ZNF662: variants seen among roughly 807,000 people sequenced by gnomAD.
ZNF662 encodes zinc finger protein 662.
ZNF662 carries 14 observed loss-of-function variants against 12.4 expected under a neutral mutation model. The ratio of observed to expected loss-of-function variants is 1.13; its 90% CI spans 0.75 to 1.77. The LOEUF is 1.77. Among genes scored for constraint, ZNF662 ranks in the 40% most tolerant of loss-of-function variants. ZNF662 has a pLI of 0.00. For synonymous variants in ZNF662, 184 were observed against 176.4 expected, an observed-to-expected ratio of 1.04 and a Z score of -0.34; for missense variants, 550 against 515.6, an observed-to-expected ratio of 1.07 and a Z score of -0.65.
chr3:42,908,821 G>A lies in ZNF662; in HGVS notation c.63G>A (p.Leu21=). 6.2e-7 allele frequency: 1 copy of A among 1,614,078 alleles called. No individual in the cohort carries two copies. Among genetic ancestry groups the A allele is most frequent in the South Asian group, 1.1e-5 (1 of 91,064 alleles). Residue 21 remains leucine (L), a synonymous_variant, in exon 3 of 5, where the codon CTG becomes CTA. Transcript: ENST00000440367. ...LAAFPFPKPA[L]ISQLERGETP... is the part of the protein sequence containing the mutation. ...CATTTCCATTTCCCAAACCGGCTCT[G>A]ATTTCCCAGCTGGAGCGAGGGGAAA...
At chr3:42,908,627 C>A in intron 2 of ZNF662, 166 bp from the exon 3 acceptor site, 2 of 1,463,346 alleles carry the variant, frequency 1.4e-6, no homozygotes, top group East Asian at 4.7e-5. Flanking sequence ...CTTTGTAAGT[C>A]TCCTGGCCCC....
chr3:42,910,489 A>G (rs1293914657), intron 3 of ZNF662, among the ~76,000 whole-genome samples: 8 of 152,056 alleles, frequency 5.3e-5, no homozygotes, highest in East Asian at 1.9e-4. Context: ...GCTACCATGT[A>G]TCTTTGCCCC....
chr3:42,913,245 G>T lies in ZNF662; in HGVS notation c.196G>T (p.Val66Leu). The change falls in exon 4 of 5, where the codon GTG (valine) becomes TTG (leucine). Residue 66 changes from valine (V) to leucine (L), a missense_variant. Val to Leu is a conservative substitution (Grantham distance 32). Transcript: ENST00000440367. ...KPAGISHPEQVEEPLNLKLQG... is the reference protein window; with the variant it reads ...KPAGISHPEQLEEPLNLKLQG... ...TGCTGGGATTTCCCATCCTGAGCAG[G>T]TGGAAGAGCCATTAAACCTGAAACT... The T allele has an allele frequency of 2.5e-6, 4 of 1,614,078 alleles. No homozygotes were observed. Among genetic ancestry groups the T allele is most frequent in the Non-Finnish European group, 3.4e-6 (4 of 1,179,980 alleles).
At chr3:42,912,631 T>TTATATATTTTATATATATATAAATATATA (rs2088823856) in intron 3 of ZNF662, among the ~76,000 whole-genome samples, 1 of 57,302 alleles carries the variant, frequency 1.7e-5, no homozygotes, top group Non-Finnish European at 3.3e-5. Context: ...AAATATATAT[T>TTATATATTTTATATATATATAAATATATA]TATATATTTT....
Position 42,918,106 on chromosome 3 carries a change from CA to C in ZNF662, c.*2759del, listed in dbSNP as rs1355529507. ...GGGCAACAAGAGTGAAACTCCATCT[CA>C]AAAAAATGAAAATAATAAATAGGTG... On this transcript the variant is annotated 3_prime_UTR_variant, in exon 5 of 5. Transcript: ENST00000440367. Among the ~76,000 whole-genome samples the C allele has an allele frequency of 6.6e-6, 1 of 152,060 alleles. No individual in the cohort carries two copies. The highest frequency in any genetic ancestry group is 1.9e-4 in the East Asian group (1 of 5,182).
chr3:42,913,096 T>C (rs2125647472), intron 3 of ZNF662, 105 bp from the exon 4 acceptor site: 2 of 770,488 alleles, frequency 2.6e-6, no homozygotes, highest in East Asian at 2.5e-5. Flanking sequence ...TACCAATCTT[T>C]TCACCCACCT....
At chr3:42,909,638 G>A (rs948416260) in intron 3 of ZNF662, among the ~76,000 whole-genome samples, 6 of 152,132 alleles carry the variant, frequency 3.9e-5, no homozygotes, top group Non-Finnish European at 7.4e-5. Flanking sequence ...CAGATGGGGC[G>A]GCCGGGCAGA....
At chr3:42,910,852 G>A (rs540847025) in intron 3 of ZNF662, among the ~76,000 whole-genome samples, 1 of 152,264 alleles carries the variant, frequency 6.6e-6, no homozygotes, top group East Asian at 1.9e-4. Flanking sequence ...ACTCTTGATT[G>A]CAGGTATTAA....
At position 42,917,567 on chromosome 3, in the gene ZNF662, A is replaced by G. The variant is rs2088907411; in HGVS notation, c.*2213A>G. 1.4e-6 allele frequency: 1 copy of G among 702,612 alleles called. No individual in the cohort carries two copies. Among genetic ancestry groups the G allele is most frequent in the Middle Eastern group, 2.3e-4 (1 of 4,370 alleles). The allele number at this position is 702,612 out of a possible 1,614,324, so 43.5% of individuals were successfully genotyped here. ...CCTTGGTGACATCTTTTGAGCCACTAGACCAAGCTTTACCTGAAGCAGAGC... is the reference window on the plus strand; with the variant it reads ...CCTTGGTGACATCTTTTGAGCCACTGGACCAAGCTTTACCTGAAGCAGAGC... On this transcript the variant is annotated 3_prime_UTR_variant, in exon 5 of 5. Transcript: ENST00000440367.
Position 42,914,505 on chromosome 3 carries a change from G to A in ZNF662, c.432G>A (p.Gly144=). The A allele has an allele frequency of 6.2e-7, 1 of 1,614,020 alleles. No individual in the cohort carries two copies. Among genetic ancestry groups the A allele is most frequent in the Non-Finnish European group, 8.5e-7 (1 of 1,179,998 alleles). Residue 144 remains glycine, a synonymous_variant, in exon 5 of 5, where the codon GGG becomes GGA. Coordinates refer to ENST00000440367, the MANE Select transcript of ZNF662 (RefSeq NM_207404.4). Reference sequence around the variant, plus strand: ...GGAGATGGCCTGGTTACCTCAATGGGGGACGTATGGAAAGTTCTACAAATG... The same window carrying A: ...GGAGATGGCCTGGTTACCTCAATGGAGGACGTATGGAAAGTTCTACAAATG... ...RLGRWPGYLN[G]GRMESSTNDI... is the part of the protein sequence containing the mutation.
At chr3:42,911,669 C>A (rs74429788) in intron 3 of ZNF662, among the ~76,000 whole-genome samples, 1 of 152,136 alleles carries the variant, frequency 6.6e-6, no homozygotes, top group Non-Finnish European at 1.5e-5. Flanking sequence ...TAGAATTGAT[C>A]TGTTTCTTAG....
In ZNF662 at chr3:42,915,274, T is replaced by C. The variant is rs982846187; in HGVS notation, c.1201T>C (p.Ser401Pro). The C allele has an allele frequency of 6.7e-5, 108 of 1,613,410 alleles. No homozygotes were observed. Among genetic ancestry groups the C allele is most frequent in the Non-Finnish European group, 9.1e-5 (107 of 1,179,708 alleles). ...NDCGKAFSQN[S>P]VLIKHQRRHA... ...CTGTGGGAAGGCCTTCAGTCAGAATTCTGTCTTAATTAAGCACCAGAGGCG... is the reference window on the plus strand; with the variant it reads ...CTGTGGGAAGGCCTTCAGTCAGAATCCTGTCTTAATTAAGCACCAGAGGCG... Residue 401 changes from serine (S) to proline (P), a missense_variant, in exon 5 of 5, where the codon TCT becomes CCT. Ser to Pro is a moderately conservative substitution (Grantham distance 74). Coordinates refer to ENST00000440367, the MANE Select transcript of ZNF662 (RefSeq NM_207404.4).
At position 42,906,508 on chromosome 3, in the gene ZNF662, G is replaced by C; in HGVS notation, c.-94+340G>C. 1.5e-6 allele frequency: 2 copies of C among 1,334,272 alleles called. No homozygotes were observed. The highest frequency in any genetic ancestry group is 1.9e-6 in the Non-Finnish European group (2 of 1,028,018). The allele number at this position is 1,334,272 out of a possible 1,614,324, so 82.7% of individuals were successfully genotyped here. A position where few individuals can be genotyped will look rare whatever the true frequency, so the allele number is the denominator to read the frequency against. On this transcript the variant is annotated intron_variant, in intron 1 of 4. Transcript: ENST00000440367. The surrounding 1 kb of genome is among the most constrained non-coding windows in gnomAD (Gnocchi z 4.4). ...CCTGGGTTCTAGGCCCGGAGACGGG[G>C]TGGTGCGGCGGCTGGGAAATGGGGG...
chr3:42,907,048 C>T (rs1021653395), intron 1 of ZNF662, among the ~76,000 whole-genome samples: 8 of 152,124 alleles, frequency 5.3e-5, no homozygotes, highest in African/African-American at 1.9e-4. Context: ...CTTTCTAGTG[C>T]GCAAGGACTG....
Sources: gnomAD v4.1 joint callset for allele counts (sites outside exome capture counted in the v4.1 genomes callset) on GRCh38, gnomAD v4.1.1 for gene constraint, Gnocchi (gnomAD v3.1) non-coding constraint, MANE v1.5 for transcripts, NCBI Gene and HGNC (gene_info 2026-07-23, HGNC 2026-07-21) for gene names.